Variants in TBL1XR1 observed in about 807,000 individuals in gnomAD.
TBL1XR1 encodes the protein F-box-like/WD repeat-containing protein TBL1XR1.
In TBL1XR1, 5 loss-of-function variants were observed where a neutral mutation model predicts 66.9. The observed-to-expected ratio is 0.07, with a 90% CI of 0.04 to 0.16. The LOEUF (loss-of-function observed/expected upper bound fraction) is 0.16. Among genes scored for constraint, TBL1XR1 ranks in the 10% least tolerant of loss-of-function variants. The probability of loss-of-function intolerance (pLI) is 1.00; values close to 1 mark genes in which losing one functional copy is unlikely to be tolerated. For missense variants in TBL1XR1, 238 were observed against 623.2 expected, an observed-to-expected ratio of 0.38 and a Z score of 6.58; for synonymous variants, 210 against 206.0, an observed-to-expected ratio of 1.02 and a Z score of -0.17.
At chr3:177,197,875 G>T (rs1350317344), upstream of TBL1XR1, among the ~76,000 whole-genome samples, 1 of 148,606 alleles carries the variant, frequency 6.7e-6, no homozygotes, top group African/African-American at 2.4e-5. Flanking sequence ...CCGCGGGCCG[G>T]CCTGGGTGTG....
intron 1 of TBL1XR1, among the ~76,000 whole-genome samples, chr3:177,167,242 T>G (rs1732927816): frequency 6.6e-6 from 1 of 151,660 alleles, no homozygotes; most frequent in Admixed American, 6.6e-5. Context: ...GAAGTCAATC[T>G]AAAAAGGCTA....
chr3:177,026,777 G>A (rs1026839977), intron 14 of TBL1XR1: 5 of 243,654 alleles, frequency 2.1e-5, no homozygotes, highest in Non-Finnish European at 3.9e-5. Flanking sequence ...TAAACAGTCA[G>A]TCTATCACAT....
intron 1 of TBL1XR1, among the ~76,000 whole-genome samples, chr3:177,146,229 G>C (rs1393532229): frequency 6.6e-6 from 1 of 152,012 alleles, no homozygotes; most frequent in African/African-American, 2.4e-5. Context: ...GGCTTGTACA[G>C]CAGTACATCT....
At chr3:177,085,478 A>G (rs1364824879) in intron 2 of TBL1XR1, among the ~76,000 whole-genome samples, 1 of 152,234 alleles carries the variant, frequency 6.6e-6, no homozygotes, top group Non-Finnish European at 1.5e-5. Flanking sequence ...TCTCAAAGGA[A>G]AAGACAATAA....
chr3:177,161,808 C>T (rs1732250872), intron 1 of TBL1XR1, among the ~76,000 whole-genome samples: 1 of 151,656 alleles, frequency 6.6e-6, no homozygotes, highest in African/African-American at 2.4e-5. Context: ...AATCTAAGAC[C>T]CATCACCCAG....
intron 1 of TBL1XR1, among the ~76,000 whole-genome samples, chr3:177,147,576 T>G (rs1266125356): frequency 6.6e-6 from 1 of 152,232 alleles, no homozygotes; most frequent in Non-Finnish European, 1.5e-5. Flanking sequence ...TCATTTTTGT[T>G]GTCAGCTACA....
intron 2 of TBL1XR1, among the ~76,000 whole-genome samples, chr3:177,068,561 AAT>A (rs1315942152): frequency 2.0e-5 from 3 of 152,238 alleles, no homozygotes; most frequent in African/African-American, 7.2e-5. Flanking sequence ...CAGTGAGCTG[AAT>A]ATGTACAGCA....
intron 2 of TBL1XR1, among the ~76,000 whole-genome samples, chr3:177,092,508 C>A (rs1276563885): frequency 1.3e-5 from 2 of 152,098 alleles, no homozygotes; most frequent in Non-Finnish European, 2.9e-5. Flanking sequence ...TTTGTTGATT[C>A]TGTAAAAACA....
intron 2 of TBL1XR1, among the ~76,000 whole-genome samples, chr3:177,095,138 G>T (rs986651868): frequency 6.6e-6 from 1 of 151,832 alleles, no homozygotes; most frequent in South Asian, 2.1e-4. Context: ...ATAGTATATG[G>T]TGCTACCTAT....
chr3:177,093,876 G>A (rs1482063758), intron 2 of TBL1XR1, among the ~76,000 whole-genome samples: 2 of 152,154 alleles, frequency 1.3e-5, no homozygotes, highest in Admixed American at 1.3e-4. Flanking sequence ...AATTCCAGAA[G>A]ATAACATTGG....
At chr3:177,173,330 C>T (rs1350350790) in intron 1 of TBL1XR1, among the ~76,000 whole-genome samples, 1 of 152,170 alleles carries the variant, frequency 6.6e-6, no homozygotes, top group Non-Finnish European at 1.5e-5. Context: ...GATTAGTAGA[C>T]TCACTTCTAA....
intron 1 of TBL1XR1, among the ~76,000 whole-genome samples, chr3:177,173,002 G>C (rs903053030): frequency 4.6e-5 from 7 of 151,966 alleles, no homozygotes; most frequent in Non-Finnish European, 8.8e-5. Context: ...GAGAAACCTC[G>C]TATCTACTAA....
At chr3:177,182,812 A>C (rs1433156536) in intron 1 of TBL1XR1, among the ~76,000 whole-genome samples, 1 of 152,210 alleles carries the variant, frequency 6.6e-6, no homozygotes, top group Non-Finnish European at 1.5e-5. Flanking sequence ...CATGCAGGCA[A>C]CATGTTATGG....
intron 2 of TBL1XR1, among the ~76,000 whole-genome samples, chr3:177,084,185 G>C (rs553536015): frequency 6.6e-6 from 1 of 151,730 alleles, no homozygotes; most frequent in South Asian, 2.1e-4. Context: ...TTTAACAAAC[G>C]TATGTACCTG....
intron 1 of TBL1XR1, among the ~76,000 whole-genome samples, chr3:177,179,117 CAAAAAAAAAA>C (rs71178099): frequency 0.57 from 61,430 of 107,982 alleles, 15,209 homozygotes; most frequent in Non-Finnish European, 0.64. Flanking sequence ...AACTACGTCT[CAAAAAAAAAA>C]AAAAAAAAAA....
Position 177,176,806 on chromosome 3 carries a change from CTG to C in TBL1XR1, c.-122+20313_-122+20314del, listed in dbSNP as rs556502679. ...CTCCAGCCTGGGCAGAAGAAAAACT[CTG>C]TCTCAAAAAAGAAATTTAAAAATTA... On this transcript the variant is annotated intron_variant, in intron 1 of 15. Coordinates refer to ENST00000457928, the MANE Select transcript of TBL1XR1 (RefSeq NM_024665.7). Among the ~76,000 whole-genome samples, 570 of 152,064 alleles carry C rather than the reference CTG, an allele frequency of 3.7e-3. 1 individual carries two copies. The highest frequency in any genetic ancestry group is 6.3e-3 in the Non-Finnish European group (431 of 67,982).
rs566348844 is a variant in TBL1XR1, at chr3:177,103,838, C to T, written c.-121-5297G>A. On this transcript the variant is annotated intron_variant, in intron 1 of 15. Coordinates refer to ENST00000457928, the MANE Select transcript of TBL1XR1 (RefSeq NM_024665.7). Reference sequence around the variant, plus strand: ...ATGTACAGAATTTGGGAAAGTCACCCCATGAATTAAGAGAAAAATATAATC... The same window carrying T: ...ATGTACAGAATTTGGGAAAGTCACCTCATGAATTAAGAGAAAAATATAATC... Among the ~76,000 whole-genome samples, 8 of 151,996 alleles carry T rather than the reference C, an allele frequency of 5.3e-5. No homozygotes were observed. In the South Asian group the frequency reaches 1.7e-3, roughly 32 times the overall value.
chr3:177,085,694 G>T (rs1175984154), intron 2 of TBL1XR1, among the ~76,000 whole-genome samples: 2 of 152,128 alleles, frequency 1.3e-5, no homozygotes, highest in Non-Finnish European at 2.9e-5. Flanking sequence ...CTGAATAAGA[G>T]ATTACATATA....
chr3:177,074,039 G>A (rs1287724860), intron 2 of TBL1XR1, among the ~76,000 whole-genome samples: 1 of 152,144 alleles, frequency 6.6e-6, no homozygotes, highest in African/African-American at 2.4e-5. Context: ...CAGGTCTTTG[G>A]TACTGGAGAA....
Sources: allele counts gnomAD v4.1 joint callset (sites outside exome capture counted in the v4.1 genomes callset), GRCh38; gene constraint gnomAD v4.1.1; transcripts MANE v1.5; gene names NCBI Gene and HGNC (gene_info 2026-07-23, HGNC 2026-07-21).